The following SV2C variants were observed in gnomAD, a reference collection of about 807,000 sequenced individuals.
SV2C encodes solute carrier family 22 member B3.
In SV2C, 49 loss-of-function variants were observed where a neutral mutation model predicts 79.7. The ratio of observed to expected loss-of-function variants is 0.61; its 90% CI spans 0.49 to 0.78. The LOEUF (loss-of-function observed/expected upper bound fraction) is 0.78. Ranked by LOEUF, SV2C falls within the 30% of genes least tolerant of loss-of-function variation. The probability of loss-of-function intolerance (pLI) is 0.00; values close to 1 mark genes in which losing one functional copy is unlikely to be tolerated. For synonymous variants in SV2C, 334 were observed against 333.2 expected (o/e 1.00, Z -0.03); for missense variants, 833 against 912.9 (o/e 0.91, Z 1.13).
chr5:76,103,371 C>T (rs1421394871), intron 1 of SV2C, among the ~76,000 whole-genome samples: 1 of 152,126 alleles, frequency 6.6e-6, no homozygotes, highest in South Asian at 2.1e-4. Flanking sequence ...ATTTATAAAA[C>T]AAAATATTTC....
At chr5:76,182,965 G>A (rs868411720) in intron 2 of SV2C, among the ~76,000 whole-genome samples, 5 of 147,766 alleles carry the variant, frequency 3.4e-5, no homozygotes, top group African/African-American at 1.3e-4. Context: ...GAGACAGAGA[G>A]AGAGAGAGAG....
chr5:75,924,145 A>G, the SV2C span, among the ~76,000 whole-genome samples: 1 of 152,208 alleles, frequency 6.6e-6, no homozygotes, highest in Non-Finnish European at 1.5e-5. Context: ...TTCTAAGTGA[A>G]ATAACTCAGG....
the SV2C span, among the ~76,000 whole-genome samples, chr5:75,888,535 A>G: frequency 6.6e-6 from 1 of 151,872 alleles, no homozygotes; most frequent in Non-Finnish European, 1.5e-5. Flanking sequence ...TGATTCTCTG[A>G]GTGGAAGGCT....
chr5:76,235,271 A>C (rs1745577288), intron 4 of SV2C, among the ~76,000 whole-genome samples: 1 of 151,992 alleles, frequency 6.6e-6, no homozygotes, highest in African/African-American at 2.4e-5. Flanking sequence ...GAATATCATT[A>C]GTAAAATGCA....
chr5:75,903,610 A>G, the SV2C span, among the ~76,000 whole-genome samples: 1 of 152,158 alleles, frequency 6.6e-6, no homozygotes, highest in Non-Finnish European at 1.5e-5. Flanking sequence ...CAGCCTGCAC[A>G]GTCTTGTTAA....
chr5:76,213,622 C>T (rs1321129386), intron 4 of SV2C, among the ~76,000 whole-genome samples: 1 of 152,024 alleles, frequency 6.6e-6, no homozygotes, highest in African/African-American at 2.4e-5. Context: ...GTATGACTGA[C>T]AAGTAAAAAT....
At chr5:76,110,545 G>A (rs72771981) in intron 1 of SV2C, among the ~76,000 whole-genome samples, 2,371 of 152,324 alleles carry the variant, frequency 0.016, 34 homozygotes, top group Non-Finnish European at 0.025. Flanking sequence ...TAACATTTGT[G>A]GTCGGACAAT....
the SV2C span, among the ~76,000 whole-genome samples, chr5:75,949,623 A>T: frequency 1.3e-5 from 2 of 151,912 alleles, no homozygotes; most frequent in African/African-American, 4.8e-5. Flanking sequence ...ACCAGATCTG[A>T]TGATTTTATA....
At chr5:76,246,858 C>T (rs371992634) in intron 4 of SV2C, among the ~76,000 whole-genome samples, 18 of 152,224 alleles carry the variant, frequency 1.2e-4, no homozygotes, top group Middle Eastern at 3.4e-3. Flanking sequence ...TCCACACTAA[C>T]GCCCCTTCTT....
the SV2C span, among the ~76,000 whole-genome samples, chr5:76,072,347 A>C: frequency 3.3e-5 from 5 of 152,198 alleles, no homozygotes; most frequent in African/African-American, 9.6e-5. Flanking sequence ...AGTTTGTGGG[A>C]TTTAATATTG....
chr5:76,288,404 T>G (rs1747423592), intron 6 of SV2C, among the ~76,000 whole-genome samples: 1 of 152,228 alleles, frequency 6.6e-6, no homozygotes, highest in South Asian at 2.1e-4. Context: ...AGATAAGTAA[T>G]GGATATCCTC....
chr5:75,984,590 T>TCTAC, the SV2C span, among the ~76,000 whole-genome samples: 144 of 99,168 alleles, frequency 1.5e-3, no homozygotes, highest in African/African-American at 4.2e-3. Flanking sequence ...TATCTATCTA[T>TCTAC]CTATCTACCT....
upstream of SV2C, chr5:76,079,811 T>C (rs1471868001): frequency 4.9e-6 from 1 of 202,954 alleles, no homozygotes; most frequent in Non-Finnish European, 1.0e-5. Flanking sequence ...ATGGCCTTTT[T>C]CACTTCCATA....
the SV2C span, among the ~76,000 whole-genome samples, chr5:76,008,671 G>A: frequency 3.9e-5 from 6 of 152,054 alleles, no homozygotes; most frequent in Non-Finnish European, 7.4e-5. Context: ...GTTATGGCAG[G>A]AGCCTACCAT....
At chr5:76,300,705 T>C (rs1170086167) in intron 10 of SV2C, 24 bp from the exon 11 acceptor site, 2 of 1,608,710 alleles carry the variant, frequency 1.2e-6, no homozygotes, top group Non-Finnish European at 1.7e-6. Flanking sequence ...GCTTGATGAA[T>C]TGTCTTTGTT....
chr5:75,921,936 G>C, the SV2C span, among the ~76,000 whole-genome samples: 1 of 151,830 alleles, frequency 6.6e-6, no homozygotes, highest in South Asian at 2.1e-4. Context: ...GTTAGAAATT[G>C]TAGTAGGCTC....
At chr5:75,952,587 C>T in the SV2C span, among the ~76,000 whole-genome samples, 27 of 151,764 alleles carry the variant, frequency 1.8e-4, no homozygotes, top group Admixed American at 2.0e-4. Flanking sequence ...GGTTCTCACT[C>T]AGTTAGTTCA....
the SV2C span, among the ~76,000 whole-genome samples, chr5:75,915,739 G>C: frequency 6.6e-6 from 1 of 152,300 alleles, no homozygotes; most frequent in Middle Eastern, 3.4e-3. Context: ...AGGAGTACAA[G>C]GTCCTCAATG....
chr5:76,336,600 AC>A (rs926157990), downstream of SV2C, among the ~76,000 whole-genome samples: 2 of 152,164 alleles, frequency 1.3e-5, no homozygotes, highest in Admixed American at 6.5e-5. Flanking sequence ...CAGCCTGGGC[AC>A]CACCGAGCAC....
Sources: allele counts gnomAD v4.1 joint callset (sites outside exome capture counted in the v4.1 genomes callset), GRCh38; gene constraint gnomAD v4.1.1; transcripts MANE v1.5; gene names NCBI Gene and HGNC (gene_info 2026-07-23, HGNC 2026-07-21).